The following COL4A5 variants were observed in gnomAD, a reference collection of about 807,000 sequenced individuals.
COL4A5 encodes the protein collagen alpha-5(IV) chain.
A neutral mutation model predicts 130.2 loss-of-function variants in COL4A5; 26 were observed. That is an observed-to-expected ratio of 0.20 (90% CI 0.15 to 0.28). The LOEUF is 0.28. Ranked by LOEUF, COL4A5 falls within the 10% of genes least tolerant of loss-of-function variation. The probability of loss-of-function intolerance (pLI) is 1.00; values close to 1 mark genes in which losing one functional copy is unlikely to be tolerated. For missense variants in COL4A5, 1,131 were observed against 1,344.3 expected, an observed-to-expected ratio of 0.84 and a Z score of 2.48; for synonymous variants, 496 against 439.6, an observed-to-expected ratio of 1.13 and a Z score of -1.60.
chrX:108,500,456 T>A (rs1170192242), intron 1 of COL4A5, among the ~76,000 whole-genome samples: 1 of 112,227 alleles, frequency 8.9e-6, no homozygotes, highest in East Asian at 2.8e-4. Context: ...CAACGTCAGG[T>A]GACACTGGAA....
At chrX:108,599,455 T>A (rs757035864) in intron 25 of COL4A5, among the ~76,000 whole-genome samples, 1 of 92,965 alleles carries the variant, frequency 1.1e-5, no homozygotes, top group African/African-American at 4.2e-5. Flanking sequence ...GTATGTATGT[T>A]TATGTGTGTG....
In COL4A5 at chrX:108,580,602, G is replaced by T; in HGVS notation, c.834+16G>T. On this transcript the variant is annotated intron_variant, in intron 14 of 52. Coordinates refer to ENST00000328300, the MANE Select transcript of COL4A5 (RefSeq NM_033380.3). ...TGGTCCTCCAGTAAGTACCTAAAGT[G>T]CTTTAGCATCATTTAATGTAAATTG... The T allele has an allele frequency of 8.3e-7, 1 of 1,204,508 alleles. No individual in the cohort carries two copies. The highest frequency in any genetic ancestry group is 2.3e-4 in the Middle Eastern group (1 of 4,306).
At chrX:108,621,773 G>A in intron 31 of COL4A5, 30 bp from the exon 32 acceptor site, 1 of 1,097,135 alleles carries the variant, frequency 9.1e-7, no homozygotes, top group Non-Finnish European at 1.3e-6. Flanking sequence ...TCAAAGAAAG[G>A]CAAACATTAC....
Position 108,667,201 on chromosome X carries a change from A to G in COL4A5, c.3604+18A>G. 1 of 1,167,948 alleles carries G rather than the reference A, an allele frequency of 8.6e-7. No individual in the cohort carries two copies. The highest frequency in any genetic ancestry group is 1.2e-6 in the Non-Finnish European group (1 of 855,540). On this transcript the variant is annotated intron_variant, in intron 40 of 52. Transcript: ENST00000328300. Reference sequence around the variant, plus strand: ...ACTTTCTGGTAAACCTTAATAAAACATGCTAAATCAATCTATAATAAAATG... The same window carrying G: ...ACTTTCTGGTAAACCTTAATAAAACGTGCTAAATCAATCTATAATAAAATG...
intron 38 of COL4A5, among the ~76,000 whole-genome samples, chrX:108,666,046 T>A (rs1412010536): frequency 1.0e-5 from 1 of 97,760 alleles, no homozygotes; most frequent in Non-Finnish European, 1.9e-5. Context: ...AGCAAGACCC[T>A]CGAAAAAAAA....
At chrX:108,463,522 G>C (rs2064674242) in intron 1 of COL4A5, among the ~76,000 whole-genome samples, 1 of 111,456 alleles carries the variant, frequency 9.0e-6, no homozygotes, top group Non-Finnish European at 1.9e-5. Flanking sequence ...CGCTTTTAGG[G>C]TTTTACTGAA....
chrX:108,496,197 T>C (rs570490805), intron 1 of COL4A5, among the ~76,000 whole-genome samples: 1 of 112,364 alleles, frequency 8.9e-6, no homozygotes, highest in African/African-American at 3.2e-5. Context: ...ATGCATTTAA[T>C]GTAATAAATT....
intron 1 of COL4A5, among the ~76,000 whole-genome samples, chrX:108,526,590 TCCC>T (rs201121497): frequency 0.012 from 560 of 48,127 alleles, 29 homozygotes; most frequent in African/African-American, 0.069. Context: ...CCTCCCTCCC[TCCC>T]TCCTTTCTTT....
In COL4A5 at chrX:108,696,336, G is replaced by A; in HGVS notation, c.5034G>A (p.Arg1678=). ...QSETLKAGDL[R]TRISRCQVCM... ...AAACGCTGAAAGCAGGAGACTTGAG[G>A]ACACGAATTAGCCGATGTCAAGTGT... The change falls in exon 53 of 53, where the codon AGG becomes AGA. Residue 1678 remains arginine, a synonymous_variant. Transcript: ENST00000328300. The A allele has an allele frequency of 8.3e-7, 1 of 1,210,382 alleles. No homozygotes were observed. The highest frequency in any genetic ancestry group is 2.3e-4 in the Middle Eastern group (1 of 4,347).
intron 25 of COL4A5, among the ~76,000 whole-genome samples, chrX:108,600,024 T>A (rs1231997922): frequency 8.9e-6 from 1 of 112,283 alleles, no homozygotes; most frequent in East Asian, 2.8e-4. Flanking sequence ...TTGGAAACAA[T>A]TTGTATTGTC....
chrX:108,680,605 A>C, intron 44 of COL4A5, 74 bp from the exon 45 acceptor site: 5 of 815,960 alleles, frequency 6.1e-6, no homozygotes, highest in Non-Finnish European at 9.3e-6. Context: ...GCCACTATGT[A>C]ATTCTTATGC....
chrX:108,670,128 T>C (rs1460038238), intron 41 of COL4A5, 100 bp from the exon 42 acceptor site: 8 of 881,334 alleles, frequency 9.1e-6, no homozygotes, highest in Non-Finnish European at 1.3e-5. Context: ...AAGTATTTAG[T>C]GTAATGCTTT....
At chrX:108,548,430 G>GA (rs1340804702) in intron 2 of COL4A5, among the ~76,000 whole-genome samples, 1 of 110,597 alleles carries the variant, frequency 9.0e-6, no homozygotes, top group Non-Finnish European at 1.9e-5. Flanking sequence ...AAGAGAAAAT[G>GA]AAAAAAAGAA....
In COL4A5 at chrX:108,659,986, G is replaced by A. The variant is rs114688709; in HGVS notation, c.3373+4529G>A. ...TCTGTTTGGGTTCATCAGATATGCT[G>A]TGGTATTCCATTCTATCTCCTCTAT... On this transcript the variant is annotated intron_variant, in intron 37 of 52. Coordinates refer to ENST00000328300, the MANE Select transcript of COL4A5 (RefSeq NM_033380.3). Among the ~76,000 whole-genome samples, 410 of 110,622 alleles carry A rather than the reference G, an allele frequency of 3.7e-3. 3 individuals are homozygous for A. The highest frequency in any genetic ancestry group is 0.013 in the African/African-American group (393 of 30,627).
chrX:108,510,665 T>G (rs1334226830), intron 1 of COL4A5, among the ~76,000 whole-genome samples: 1 of 111,219 alleles, frequency 9.0e-6, no homozygotes, highest in Admixed American at 9.5e-5. Context: ...GAAGGAATAA[T>G]AGATACCATT....
chrX:108,444,733 C>T (rs1194247819), intron 1 of COL4A5, among the ~76,000 whole-genome samples: 1 of 111,986 alleles, frequency 8.9e-6, no homozygotes, highest in Non-Finnish European at 1.9e-5. Flanking sequence ...GTTTCTATAT[C>T]GATTTCTTGA....
At chrX:108,557,243 T>C (rs1009588984) in intron 2 of COL4A5, among the ~76,000 whole-genome samples, 5 of 111,382 alleles carry the variant, frequency 4.5e-5, no homozygotes, top group Admixed American at 9.6e-5. Context: ...TGTGATCAGA[T>C]TTCTACTACT....
chrX:108,696,557 G>A lies in COL4A5; in HGVS notation c.*179G>A, dbSNP rs143875350. 1,113 of 340,648 alleles carry A rather than the reference G, an allele frequency of 3.3e-3. 3 individuals carry two copies. The highest frequency in any genetic ancestry group is 5.0e-3 in the Middle Eastern group (6 of 1,210). 28.1% of individuals were successfully genotyped at this position (340,648 alleles called of 1,213,427 possible). On this transcript the variant is annotated 3_prime_UTR_variant, in exon 53 of 53. Coordinates refer to ENST00000328300, the MANE Select transcript of COL4A5 (RefSeq NM_033380.3). ...AGATTCAGATGTACCTCAGCAATGC[G>A]CCAGAGCAAAGTCTCTATTATTTTT...
At chrX:108,588,098 C>T (rs2066366627) in intron 19 of COL4A5, among the ~76,000 whole-genome samples, 1 of 110,894 alleles carries the variant, frequency 9.0e-6, no homozygotes, top group African/African-American at 3.3e-5. Context: ...TGGAACATTT[C>T]TAATTTGGCC....
Sources: gnomAD v4.1 joint callset for allele counts (sites outside exome capture counted in the v4.1 genomes callset) on GRCh38, gnomAD v4.1.1 for gene constraint, MANE v1.5 for transcripts, NCBI Gene and HGNC (gene_info 2026-07-23, HGNC 2026-07-21) for gene names.